The following FKBP9 variants were observed in gnomAD, a reference collection of about 807,000 sequenced individuals.
The protein encoded by FKBP9 is peptidyl-prolyl cis-trans isomerase FKBP9.
Under a neutral mutation model 55.6 loss-of-function variants are expected in FKBP9, and 27 were observed. The ratio of observed to expected loss-of-function variants is 0.49; its 90% CI spans 0.36 to 0.67. The LOEUF is 0.67. FKBP9 is among the 30% of genes least tolerant of loss of function. The pLI, the probability that FKBP9 is intolerant of heterozygous loss-of-function variation, is 0.00. For missense variants in FKBP9, 539 were observed against 742.8 expected (o/e 0.73, Z 3.19); for synonymous variants, 267 against 296.5 (o/e 0.90, Z 1.02).
At position 33,005,905 on chromosome 7, in the gene FKBP9, G is replaced by A. The variant is rs1311104260; in HGVS notation, c.*554G>A. 11 of 232,168 alleles carry A rather than the reference G, an allele frequency of 4.7e-5. No individual in the cohort carries two copies. Among genetic ancestry groups the A allele is most frequent in the East Asian group, 1.8e-4 (3 of 16,446 alleles). The allele number at this position is 232,168 out of a possible 1,614,324, so 14.4% of individuals were successfully genotyped here. On this transcript the variant is annotated 3_prime_UTR_variant, in exon 10 of 10. Transcript: ENST00000242209. ...TGGCCCCACCCCCGCACACGCACACGCACATCATGCTTTTCCAGCTCATCA... is the reference window on the plus strand; with the variant it reads ...TGGCCCCACCCCCGCACACGCACACACACATCATGCTTTTCCAGCTCATCA...
At chr7:32,986,485 G>A (rs1186680804) in intron 5 of FKBP9, among the ~76,000 whole-genome samples, 2 of 152,180 alleles carry the variant, frequency 1.3e-5, no homozygotes, top group African/African-American at 2.4e-5. Context: ...GAGCCGACAC[G>A]GTCCTCCTCT....
intron 1 of FKBP9, among the ~76,000 whole-genome samples, chr7:32,966,619 C>T (rs138569248): frequency 0.047 from 7,087 of 152,176 alleles, 393 homozygotes; most frequent in East Asian, 0.19. Context: ...ATAAGCCATT[C>T]CTGCATCACT....
chr7:32,998,918 A>G (rs1193592111), intron 7 of FKBP9, among the ~76,000 whole-genome samples: 2 of 152,248 alleles, frequency 1.3e-5, no homozygotes, highest in Non-Finnish European at 2.9e-5. Flanking sequence ...ACACATGACA[A>G]CAAATTGTTT....
intron 1 of FKBP9, among the ~76,000 whole-genome samples, chr7:32,974,374 T>C (rs918756757): frequency 6.6e-6 from 1 of 151,750 alleles, no homozygotes; most frequent in African/African-American, 2.4e-5. Context: ...TTTTTTTTTT[T>C]TGGAGAGAGT....
intron 9 of FKBP9, chr7:33,003,074 G>T: frequency 2.0e-6 from 1 of 499,236 alleles, no homozygotes; most frequent in Non-Finnish European, 3.6e-6. Flanking sequence ...CATGATTCCA[G>T]GGCATACAGT....
chr7:32,972,437 T>C (rs1465579412), intron 1 of FKBP9, among the ~76,000 whole-genome samples: 1 of 152,086 alleles, frequency 6.6e-6, no homozygotes, highest in Non-Finnish European at 1.5e-5. Flanking sequence ...TCGCCCAAAC[T>C]GTTCATTAGG....
chr7:32,977,870 C>CATGTGTGTATATAT (rs780985630), intron 4 of FKBP9, among the ~76,000 whole-genome samples: 10 of 124,660 alleles, frequency 8.0e-5, no homozygotes, highest in African/African-American at 2.8e-4. Flanking sequence ...TATACATGCC[C>CATGTGTGTATATAT]ATATATATAT....
At chr7:33,001,630 A>G (rs1187454487) in intron 8 of FKBP9, among the ~76,000 whole-genome samples, 1 of 151,852 alleles carries the variant, frequency 6.6e-6, no homozygotes, top group East Asian at 1.9e-4. Flanking sequence ...CATATAATCT[A>G]GATAAAATAT....
At chr7:32,964,146 C>T (rs764419568) in intron 1 of FKBP9, among the ~76,000 whole-genome samples, 2 of 152,326 alleles carry the variant, frequency 1.3e-5, no homozygotes, top group South Asian at 2.1e-4. Context: ...AGGCTGCTAC[C>T]GTGCATTAGC....
chr7:32,960,883 A>G (rs1286522757), intron 1 of FKBP9, among the ~76,000 whole-genome samples: 2 of 152,232 alleles, frequency 1.3e-5, no homozygotes, highest in African/African-American at 2.4e-5. Context: ...GTGCCTTCAC[A>G]TATGTTAACT....
rs187561160 is a variant in FKBP9, at chr7:32,980,538, C to G, written c.878C>G (p.Thr293Ser). The G allele has an allele frequency of 1.1e-5, 17 of 1,613,154 alleles. No individual in the cohort carries two copies. In the African/African-American group the frequency reaches 2.1e-4, roughly 20 times the overall value. ...YHYNGTLLDG[T>S]LFDSSYSRNR... is the part of the protein sequence containing the mutation. The stretch of plus-strand genomic sequence containing the variant: ...TACAATGGCACGCTTCTGGATGGCA[C>G]CCTCTTTGATTCCAGGTAAGGAAAT... The change falls in exon 5 of 10, where the codon ACC becomes AGC. Residue 293 changes from threonine to serine, a missense_variant. Coordinates refer to ENST00000242209, the MANE Select transcript of FKBP9 (RefSeq NM_007270.5).
chr7:32,966,382 C>G (rs1187134933), intron 1 of FKBP9, among the ~76,000 whole-genome samples: 1 of 151,966 alleles, frequency 6.6e-6, no homozygotes, highest in Non-Finnish European at 1.5e-5. Context: ...CCATCACCCC[C>G]CTGGGGCAGT....
chr7:33,002,872 C>T (rs750536680), intron 9 of FKBP9, 33 bp downstream of exon 9: 31 of 1,603,742 alleles, frequency 1.9e-5, no homozygotes, highest in Non-Finnish European at 2.4e-5. Context: ...AAGGTGGGAC[C>T]GAAGAGCTCA....
At chr7:32,990,155 CT>C (rs1295763352) in intron 6 of FKBP9, among the ~76,000 whole-genome samples, 1 of 152,124 alleles carries the variant, frequency 6.6e-6, no homozygotes, top group Non-Finnish European at 1.5e-5. Context: ...TTAAAAGGGA[CT>C]TTACAGATTT....
At position 32,980,568 on chromosome 7, in the gene FKBP9, A is replaced by G. The variant is rs765830287; in HGVS notation, c.893+15A>G. On this transcript the variant is annotated intron_variant, in intron 5 of 9. Transcript: ENST00000242209. Reference sequence around the variant, plus strand: ...TTTGATTCCAGGTAAGGAAATGATTAAAGTCTTCAATTGCCAGAACATTGT... The same window carrying G: ...TTTGATTCCAGGTAAGGAAATGATTGAAGTCTTCAATTGCCAGAACATTGT... The G allele has an allele frequency of 1.2e-6, 2 of 1,611,914 alleles. No homozygotes were observed. Among genetic ancestry groups the G allele is most frequent in the Non-Finnish European group, 1.7e-6 (2 of 1,178,708 alleles).
intron 6 of FKBP9, among the ~76,000 whole-genome samples, chr7:32,994,016 C>G (rs1335445033): frequency 1.3e-5 from 2 of 152,108 alleles, no homozygotes; most frequent in Admixed American, 6.5e-5. Flanking sequence ...CTGTTCGCAT[C>G]TCCAGCTTCA....
rs1441176426 is a variant in FKBP9, at chr7:32,965,831, ATATATATATATATG to A, written c.221+8039_221+8052del. Among the ~76,000 whole-genome samples the A allele has an allele frequency of 1.6e-3, 61 of 38,868 alleles. 6 individuals are homozygous for A. The highest frequency in any genetic ancestry group is 4.2e-3 in the African/African-American group (47 of 11,068). 25.5% of individuals were successfully genotyped at this position (38,868 alleles called of 152,430 possible). A position where few individuals can be genotyped will look rare whatever the true frequency, so the allele number is the denominator to read the frequency against. ...AAAAAAAATATATATATATATATAT[ATATATATATATATG>A]TGTGTACAGATATATATATATACAT... On this transcript the variant is annotated intron_variant, in intron 1 of 9. Coordinates refer to ENST00000242209, the MANE Select transcript of FKBP9 (RefSeq NM_007270.5).
At chr7:32,994,520 C>A (rs2127987608) in intron 6 of FKBP9, among the ~76,000 whole-genome samples, 1 of 152,012 alleles carries the variant, frequency 6.6e-6, no homozygotes, top group African/African-American at 2.4e-5. Flanking sequence ...TGGCTTTGAG[C>A]AGCCTTCTGG....
intron 1 of FKBP9, among the ~76,000 whole-genome samples, chr7:32,958,019 C>A (rs1208288021): frequency 1.3e-5 from 2 of 152,240 alleles, no homozygotes; most frequent in African/African-American, 2.4e-5. Context: ...CCTTGGAGGA[C>A]CTTGAGCAGC....
Sources: gnomAD v4.1 joint callset for allele counts (sites outside exome capture counted in the v4.1 genomes callset) on GRCh38, gnomAD v4.1.1 for gene constraint, MANE v1.5 for transcripts, NCBI Gene and HGNC (gene_info 2026-07-23, HGNC 2026-07-21) for gene names.